Variants in PTPRD observed in about 807,000 individuals in gnomAD.
PTPRD encodes the protein receptor-type tyrosine-protein phosphatase delta.
In PTPRD, 34 loss-of-function variants were observed where a neutral mutation model predicts 214.5. The observed-to-expected ratio is 0.16, with a 90% confidence interval of 0.12 to 0.21. The LOEUF is 0.21. Among genes scored for constraint, PTPRD ranks in the 10% least tolerant of loss-of-function variants. The probability of loss-of-function intolerance (pLI) is 1.00; values close to 1 mark genes in which losing one functional copy is unlikely to be tolerated. For synonymous variants in PTPRD, 1,128 were observed against 845.7 expected (o/e 1.33, Z -5.79); for missense variants, 2,545 against 2,398.7 (o/e 1.06, Z -1.27).
intron 8 of PTPRD, among the ~76,000 whole-genome samples, chr9:9,446,273 G>C (rs1293584019): frequency 6.6e-6 from 1 of 152,090 alleles, no homozygotes; most frequent in Non-Finnish European, 1.5e-5. Context: ...TTATACATCT[G>C]TCCTCCCAAG....
At chr9:9,753,058 A>G (rs1351695793) in intron 6 of PTPRD, among the ~76,000 whole-genome samples, 1 of 152,068 alleles carries the variant, frequency 6.6e-6, no homozygotes, top group Non-Finnish European at 1.5e-5. Flanking sequence ...TTAAGTATGC[A>G]TTGTGAGAAG....
intron 11 of PTPRD, among the ~76,000 whole-genome samples, chr9:8,974,332 A>G (rs1320189722): frequency 6.6e-6 from 1 of 152,048 alleles, no homozygotes; most frequent in Non-Finnish European, 1.5e-5. Flanking sequence ...TGTTTTTGTC[A>G]GAAATTGCCT....
At chr9:8,729,066 C>G (rs190603510) in intron 12 of PTPRD, among the ~76,000 whole-genome samples, 16 of 152,178 alleles carry the variant, frequency 1.1e-4, no homozygotes, top group African/African-American at 3.1e-4. Flanking sequence ...AAGCTCACCC[C>G]CTACCTTCAG....
intron 5 of PTPRD, among the ~76,000 whole-genome samples, chr9:9,768,203 A>C (rs1312696422): frequency 6.6e-6 from 1 of 152,162 alleles, no homozygotes; most frequent in Non-Finnish European, 1.5e-5. Flanking sequence ...CTAATCAGCC[A>C]ACGCTGTAGA....
intron 10 of PTPRD, among the ~76,000 whole-genome samples, chr9:9,071,541 G>T (rs556233448): frequency 3.1e-4 from 47 of 152,204 alleles, no homozygotes; most frequent in African/African-American, 1.1e-3. Context: ...GTAGCCCCTG[G>T]GAACTATGGA....
At chr9:9,817,571 AT>A (rs1485864062) in intron 5 of PTPRD, among the ~76,000 whole-genome samples, 2 of 152,204 alleles carry the variant, frequency 1.3e-5, no homozygotes, top group African/African-American at 4.8e-5. Context: ...ATTTACACAG[AT>A]AGGTCCATAA....
chr9:10,500,804 G>T (rs1014017069), intron 2 of PTPRD, among the ~76,000 whole-genome samples: 9 of 151,880 alleles, frequency 5.9e-5, no homozygotes, highest in Admixed American at 1.3e-4. Flanking sequence ...TGAGAAGTGT[G>T]TCTTTTTGTG....
At chr9:9,415,658 C>A (rs2142137581) in intron 8 of PTPRD, among the ~76,000 whole-genome samples, 1 of 151,974 alleles carries the variant, frequency 6.6e-6, no homozygotes, top group East Asian at 1.9e-4. Flanking sequence ...ATAAGATTAC[C>A]CTTTAGGGAT....
At position 10,267,226 on chromosome 9, in the gene PTPRD, G is replaced by C. The variant is rs916845824; in HGVS notation, c.-545+73737C>G. Among the ~76,000 whole-genome samples, 3 of 110,118 alleles carry C rather than the reference G, an allele frequency of 2.7e-5. No individual in the cohort carries two copies. In the Admixed American group the frequency reaches 2.8e-4, roughly 10 times the overall value. 72.2% of individuals were successfully genotyped at this position (110,118 alleles called of 152,430 possible). On this transcript the variant is annotated intron_variant, in intron 3 of 45. Transcript: ENST00000381196. ...AAAAAAAGGAAAAAACAAAAAAGTA[G>C]TCAGGGATGGAGCAGATGGAGTTAC...
chr9:8,636,955 A>G (rs2096455548), intron 12 of PTPRD, 111 bp from the exon 13 acceptor site: 3 of 1,044,422 alleles, frequency 2.9e-6, no homozygotes, highest in East Asian at 2.6e-5. Flanking sequence ...CAAGACATAC[A>G]TTTTTACAAT....
intron 10 of PTPRD, among the ~76,000 whole-genome samples, chr9:9,157,278 T>C (rs1343410962): frequency 6.6e-6 from 1 of 151,058 alleles, no homozygotes; most frequent in East Asian, 1.9e-4. Context: ...AATAACAAAG[T>C]TCAGAGCAGA....
chr9:9,607,387 G>A (rs934408242), intron 7 of PTPRD, among the ~76,000 whole-genome samples: 3 of 152,010 alleles, frequency 2.0e-5, no homozygotes, highest in African/African-American at 7.2e-5. Flanking sequence ...TATGCTCCAC[G>A]AATCTAACAA....
chr9:8,557,451 T>TACACACATACAC (rs887383087), intron 14 of PTPRD, among the ~76,000 whole-genome samples: 1 of 135,364 alleles, frequency 7.4e-6, no homozygotes, highest in African/African-American at 3.5e-5. Context: ...TATATATATA[T>TACACACATACAC]ATATATTTGG....
At chr9:9,970,203 T>C (rs7860148) in intron 4 of PTPRD, among the ~76,000 whole-genome samples, 43,365 of 151,874 alleles carry the variant, frequency 0.29, 7,521 homozygotes, top group African/African-American at 0.49. Context: ...AGAATTACTT[T>C]ACTTTGGGAG....
intron 12 of PTPRD, among the ~76,000 whole-genome samples, chr9:8,676,245 G>A (rs753275123): frequency 2.0e-5 from 3 of 152,110 alleles, no homozygotes; most frequent in African/African-American, 7.2e-5. Context: ...CTCTGAGGCT[G>A]AGAGATGCTC....
chr9:8,689,854 T>A (rs2097766790), intron 12 of PTPRD, among the ~76,000 whole-genome samples: 1 of 152,144 alleles, frequency 6.6e-6, no homozygotes, highest in South Asian at 2.1e-4. Flanking sequence ...ATGCCTGTAA[T>A]CCCAGCACTT....
At chr9:9,000,855 C>T (rs1343792009) in intron 11 of PTPRD, among the ~76,000 whole-genome samples, 1 of 151,868 alleles carries the variant, frequency 6.6e-6, no homozygotes, top group Non-Finnish European at 1.5e-5. Context: ...AAAAAACAAA[C>T]CACAAGAAAT....
chr9:10,508,581 T>C (rs1224289331), intron 2 of PTPRD, among the ~76,000 whole-genome samples: 1 of 152,000 alleles, frequency 6.6e-6, no homozygotes, highest in Admixed American at 6.6e-5. Flanking sequence ...ATTAAGAAAA[T>C]GTGGCACATA....
intron 2 of PTPRD, among the ~76,000 whole-genome samples, chr9:10,444,043 T>C (rs1355511798): frequency 6.6e-6 from 1 of 151,734 alleles, no homozygotes; most frequent in African/African-American, 2.4e-5. Flanking sequence ...TTAGACTGTA[T>C]AAATTGAAGT....
Sources: gnomAD v4.1 joint callset for allele counts (sites outside exome capture counted in the v4.1 genomes callset) on GRCh38, gnomAD v4.1.1 for gene constraint, MANE v1.5 for transcripts, NCBI Gene and HGNC (gene_info 2026-07-23, HGNC 2026-07-21) for gene names.